SETD5: variants seen among roughly 807,000 people sequenced by gnomAD.
SETD5 encodes the protein histone-lysine N-methyltransferase SETD5.
In SETD5, 44 loss-of-function variants were observed where a neutral mutation model predicts 153.3. The ratio of observed to expected loss-of-function variants is 0.29; its 90% CI spans 0.23 to 0.37. The LOEUF is 0.37. Among genes scored for constraint, SETD5 ranks in the 10% least tolerant of loss-of-function variants. The pLI, the probability that SETD5 is intolerant of heterozygous loss-of-function variation, is 1.00. For missense variants in SETD5, 1,544 were observed against 1,768.0 expected (o/e 0.87, Z 2.27); for synonymous variants, 716 against 645.2 (o/e 1.11, Z -1.66).
At chr3:9,463,515 T>G (rs2044220880) in intron 17 of SETD5, among the ~76,000 whole-genome samples, 1 of 152,212 alleles carries the variant, frequency 6.6e-6, no homozygotes, top group African/African-American at 2.4e-5. Flanking sequence ...CTAAAATATT[T>G]AGTGTAGTGA....
chr3:9,432,040 G>A (rs770271503), intron 3 of SETD5, among the ~76,000 whole-genome samples: 3 of 151,828 alleles, frequency 2.0e-5, no homozygotes, highest in Non-Finnish European at 4.4e-5. Flanking sequence ...TTTTATTAAT[G>A]CTTGTCTGCC....
intron 1 of SETD5, among the ~76,000 whole-genome samples, chr3:9,412,392 T>TTG (rs2036715897): frequency 7.4e-6 from 1 of 135,270 alleles, no homozygotes; most frequent in Admixed American, 7.7e-5. Flanking sequence ...TTTGGGTTTT[T>TTG]TTTTTTTTTT....
At chr3:9,418,879 C>T (rs1005041645) in intron 1 of SETD5, among the ~76,000 whole-genome samples, 3 of 151,954 alleles carry the variant, frequency 2.0e-5, no homozygotes, top group Admixed American at 1.3e-4. Context: ...GTTTCTAGAG[C>T]GCAGTGGTGT....
intron 18 of SETD5, chr3:9,468,435 C>T (rs1260922476): frequency 8.2e-7 from 1 of 1,222,620 alleles, no homozygotes; most frequent in African/African-American, 1.6e-5. Context: ...TGGCTAACAT[C>T]TATGCTTGCT....
intron 17 of SETD5, among the ~76,000 whole-genome samples, chr3:9,457,773 C>A (rs866932461): frequency 6.9e-6 from 1 of 144,810 alleles, no homozygotes; most frequent in Non-Finnish European, 1.5e-5. Context: ...CATACGTGAG[C>A]CTTTGATAAA....
intron 12 of SETD5, 123 bp from the exon 13 acceptor site, chr3:9,445,534 C>T (rs2041835032): frequency 1.1e-6 from 1 of 917,230 alleles, no homozygotes; most frequent in East Asian, 2.6e-5. Flanking sequence ...ACCATGTGGC[C>T]TCACATGAGT....
intron 6 of SETD5, among the ~76,000 whole-genome samples, chr3:9,435,504 G>A (rs2040457909): frequency 6.6e-6 from 1 of 152,138 alleles, no homozygotes. Flanking sequence ...GAATACAAGG[G>A]GAGAAATAAA....
intron 3 of SETD5, 197 bp from the exon 4 acceptor site, chr3:9,433,648 C>T: frequency 2.2e-6 from 2 of 894,942 alleles, no homozygotes; most frequent in Non-Finnish European, 3.2e-6. Flanking sequence ...ATGTTACACA[C>T]AAATCCACAT....
intron 1 of SETD5, among the ~76,000 whole-genome samples, chr3:9,417,941 TG>T (rs1255946120): frequency 4.1e-5 from 6 of 145,158 alleles, no homozygotes; most frequent in Admixed American, 3.5e-4. Flanking sequence ...ACAAGAGTTT[TG>T]TTTTTTTTTT....
At chr3:9,445,391 T>C in intron 12 of SETD5, 91 bp downstream of exon 12, 1 of 1,365,002 alleles carries the variant, frequency 7.3e-7, no homozygotes, top group Non-Finnish European at 1.0e-6. Context: ...GTAGGGGAGC[T>C]ATAGTAACAC....
intron 19 of SETD5, among the ~76,000 whole-genome samples, chr3:9,471,776 A>AT (rs1391700495): frequency 6.6e-6 from 1 of 152,210 alleles, no homozygotes; most frequent in Non-Finnish European, 1.5e-5. Flanking sequence ...AGTGACTTGC[A>AT]TTTATTGAGC....
chr3:9,438,490 G>C (rs1317348634), intron 7 of SETD5, among the ~76,000 whole-genome samples: 2 of 152,102 alleles, frequency 1.3e-5, no homozygotes, highest in East Asian at 1.9e-4. Context: ...TTACAGTTTT[G>C]GGAGGTTGAC....
At chr3:9,471,358 T>C (rs1238359776) in intron 19 of SETD5, among the ~76,000 whole-genome samples, 2 of 152,188 alleles carry the variant, frequency 1.3e-5, no homozygotes, top group African/African-American at 4.8e-5. Flanking sequence ...AGGACCAGGA[T>C]ACTACCCAGT....
intron 18 of SETD5, among the ~76,000 whole-genome samples, chr3:9,467,150 G>A (rs940183946): frequency 4.7e-5 from 6 of 128,884 alleles, no homozygotes; most frequent in East Asian, 5.3e-4. Flanking sequence ...CCAAGACTGC[G>A]CCACTGCATT....
chr3:9,466,071 G>C (rs536435808), intron 18 of SETD5, among the ~76,000 whole-genome samples: 7 of 152,034 alleles, frequency 4.6e-5, no homozygotes, highest in African/African-American at 1.7e-4. Flanking sequence ...GGCGGATCAC[G>C]AGGTCAGTAG....
intron 11 of SETD5, among the ~76,000 whole-genome samples, chr3:9,444,118 C>G (rs528902379): frequency 3.3e-5 from 5 of 152,174 alleles, no homozygotes; most frequent in Admixed American, 6.5e-5. Flanking sequence ...TCAATTATAC[C>G]CTTATAAAGC....
At chr3:9,426,105 C>T (rs890085055) in intron 2 of SETD5, 1 of 151,094 alleles carries the variant, frequency 6.6e-6, no homozygotes, top group African/African-American at 2.4e-5. Flanking sequence ...CTTCAATTTC[C>T]CAAAGGCTTA....
At chr3:9,454,433 A>G (rs956807331) in intron 17 of SETD5, among the ~76,000 whole-genome samples, 9 of 152,018 alleles carry the variant, frequency 5.9e-5, no homozygotes, top group African/African-American at 2.2e-4. Flanking sequence ...AACGTGGCCA[A>G]CATGGTGAAA....
intron 1 of SETD5, among the ~76,000 whole-genome samples, chr3:9,417,223 A>G (rs1242562899): frequency 6.6e-6 from 1 of 152,194 alleles, no homozygotes; most frequent in African/African-American, 2.4e-5. Flanking sequence ...CACTGCTATT[A>G]TATAATGCTA....
Sources: allele counts gnomAD v4.1 joint callset (sites outside exome capture counted in the v4.1 genomes callset), GRCh38; gene constraint gnomAD v4.1.1; transcripts MANE v1.5; gene names NCBI Gene and HGNC (gene_info 2026-07-23, HGNC 2026-07-21).